The following DAPK2 variants were observed in gnomAD, a reference collection of about 807,000 sequenced individuals.
The protein encoded by DAPK2 is death-associated protein kinase 2.
DAPK2 carries 35 observed loss-of-function variants against 44.1 expected under a neutral mutation model. That is an observed-to-expected ratio of 0.79 (90% CI 0.61 to 1.05). DAPK2 has a LOEUF of 1.05. Among genes scored for constraint, DAPK2 ranks in the 50% least tolerant of loss-of-function variants. The probability of loss-of-function intolerance (pLI) is 0.00; values close to 1 mark genes in which losing one functional copy is unlikely to be tolerated. For synonymous variants in DAPK2, 174 were observed against 182.6 expected (o/e 0.95, Z 0.38); for missense variants, 453 against 483.2 (o/e 0.94, Z 0.59).
chr15:64,017,938 T>C lies in DAPK2; in HGVS notation c.92+22232A>G, dbSNP rs74021235. ...TGCTCCATAAAATTGCAAAATCCTATATGCCTTTGCCAGGAGACCAAAAAT... is the reference window on the plus strand; with the variant it reads ...TGCTCCATAAAATTGCAAAATCCTACATGCCTTTGCCAGGAGACCAAAAAT... On this transcript the variant is annotated intron_variant, in intron 1 of 10. Transcript: ENST00000261891. Among the ~76,000 whole-genome samples the C allele has an allele frequency of 7.6e-3, 1,159 of 152,266 alleles. 15 individuals are homozygous for C. Among genetic ancestry groups the C allele is most frequent in the African/African-American group, 0.026 (1,097 of 41,546 alleles).
chr15:64,006,927 G>A (rs571526284), intron 1 of DAPK2, among the ~76,000 whole-genome samples: 6 of 152,096 alleles, frequency 3.9e-5, no homozygotes, highest in Non-Finnish European at 5.9e-5. Context: ...TAGGGAGCCC[G>A]ACTCCAGGAA....
intron 1 of DAPK2, among the ~76,000 whole-genome samples, chr15:64,036,319 G>GTATATATATATATATGTATA (rs71133404): frequency 5.3e-5 from 3 of 56,662 alleles, no homozygotes; most frequent in Non-Finnish European, 1.2e-4. Context: ...GTATATATAT[G>GTATATATATATATATGTATA]TATATATATA....
At chr15:64,033,309 GAAGGAAGGAAGGAAGGA>G (rs2080080643) in intron 1 of DAPK2, among the ~76,000 whole-genome samples, 2 of 140,710 alleles carry the variant, frequency 1.4e-5, no homozygotes, top group African/African-American at 5.1e-5. Flanking sequence ...AGGAAGGAAG[GAAGGAAGGAAGGAAGGA>G]AAAAAAAAAT....
intron 1 of DAPK2, among the ~76,000 whole-genome samples, chr15:64,034,894 G>A (rs571014267): frequency 6.6e-6 from 1 of 152,192 alleles, no homozygotes. Context: ...CTGGTCAGGT[G>A]TGATGGCTCA....
intron 5 of DAPK2, 49 bp downstream of exon 6, chr15:63,930,358 C>T (rs1457596892): frequency 6.3e-7 from 1 of 1,588,472 alleles, no homozygotes. Context: ...CTGAGGCCTT[C>T]CGCCCTTGGA....
chr15:63,938,786 C>A (rs1376419763), intron 4 of DAPK2, among the ~76,000 whole-genome samples: 1 of 152,208 alleles, frequency 6.6e-6, no homozygotes, highest in African/African-American at 2.4e-5. Flanking sequence ...TAAAGCCAGG[C>A]ATAGAGGAGA....
At chr15:63,995,452 T>C (rs556786841) in intron 1 of DAPK2, among the ~76,000 whole-genome samples, 1 of 152,340 alleles carries the variant, frequency 6.6e-6, no homozygotes, top group East Asian at 1.9e-4. Context: ...CTAAAGAAGC[T>C]ATAGGTCTTT....
intron 3 of DAPK2, among the ~76,000 whole-genome samples, chr15:63,961,051 T>A (rs2077886141): frequency 6.6e-6 from 1 of 152,212 alleles, no homozygotes; most frequent in African/African-American, 2.4e-5. Flanking sequence ...TGCATATATA[T>A]TTAGGATCGT....
chr15:63,952,360 G>GC (rs2077612994), intron 3 of DAPK2, among the ~76,000 whole-genome samples: 13 of 152,248 alleles, frequency 8.5e-5, no homozygotes, highest in Admixed American at 8.5e-4. Flanking sequence ...TGGCAATTCT[G>GC]TTGGGCCTTG....
intron 1 of DAPK2, among the ~76,000 whole-genome samples, chr15:64,010,689 T>A (rs1027168309): frequency 3.9e-5 from 6 of 152,150 alleles, no homozygotes; most frequent in African/African-American, 1.4e-4. Flanking sequence ...TGTCTACCCA[T>A]CCCCACTTCG....
In DAPK2 at chr15:63,969,226, C is replaced by T. The variant is rs182210798; in HGVS notation, c.453+2197G>A. On this transcript the variant is annotated intron_variant, in intron 3 of 10. Coordinates refer to ENST00000261891, the Ensembl canonical transcript of DAPK2. ...TTGAGCCTAGGAGTTGCAGACCAGC[C>T]TGGGCAAAATGGCAAAAACCCATTT... Among the ~76,000 whole-genome samples, 12 of 152,022 alleles carry T rather than the reference C, an allele frequency of 7.9e-5. No homozygotes were observed. In the East Asian group the frequency reaches 2.3e-3, roughly 29 times the overall value.
intron 1 of DAPK2, among the ~76,000 whole-genome samples, chr15:64,038,267 C>T (rs569078940): frequency 2.6e-5 from 4 of 152,176 alleles, no homozygotes; most frequent in African/African-American, 7.2e-5. Flanking sequence ...TCATCTTGCT[C>T]GTCTTTGTAC....
intron 4 of DAPK2, chr15:63,936,095 C>T (rs536617348): frequency 3.9e-4 from 59 of 152,066 alleles, no homozygotes; most frequent in Non-Finnish European, 7.8e-4. Flanking sequence ...ATATTCCATC[C>T]ATCAGATGTT....
chr15:63,999,660 T>C (rs932211562), intron 1 of DAPK2, among the ~76,000 whole-genome samples: 2 of 152,136 alleles, frequency 1.3e-5, no homozygotes, highest in Admixed American at 6.6e-5. Flanking sequence ...AGCCTTATAA[T>C]GCAAACAAGA....
intron 6 of DAPK2, among the ~76,000 whole-genome samples, chr15:63,929,283 G>A (rs559814589): frequency 1.0e-3 from 157 of 152,244 alleles, no homozygotes; most frequent in African/African-American, 3.7e-3. Context: ...GGGGAGCCCT[G>A]GCATTCCATA....
intron 1 of DAPK2, 56 bp from the exon 3 acceptor site, chr15:63,983,810 A>G: frequency 1.3e-6 from 2 of 1,518,080 alleles, no homozygotes; most frequent in Non-Finnish European, 1.8e-6. Flanking sequence ...TGGGGAAATG[A>G]CCCCACTGTC....
chr15:64,016,726 A>G (rs905035530), intron 1 of DAPK2, among the ~76,000 whole-genome samples: 1 of 151,972 alleles, frequency 6.6e-6, no homozygotes, highest in Non-Finnish European at 1.5e-5. Flanking sequence ...CCAGGAGGTC[A>G]AGGCCACAAT....
At chr15:64,040,877 G>C (rs535602278), upstream of DAPK2, among the ~76,000 whole-genome samples, 35 of 121,920 alleles carry the variant, frequency 2.9e-4, 2 homozygotes, top group South Asian at 9.7e-3. Flanking sequence ...TCACACCACT[G>C]CACTCCAGCC....
At chr15:64,040,872 C>G (rs1430207204), upstream of DAPK2, among the ~76,000 whole-genome samples, 1 of 138,774 alleles carries the variant, frequency 7.2e-6, no homozygotes, top group Admixed American at 7.9e-5. Flanking sequence ...CAAGATCACA[C>G]CACTGCACTC....
Sources: gnomAD v4.1 joint callset for allele counts (sites outside exome capture counted in the v4.1 genomes callset) on GRCh38, gnomAD v4.1.1 for gene constraint, MANE v1.5 for transcripts, NCBI Gene and HGNC (gene_info 2026-07-23, HGNC 2026-07-21) for gene names.